Variants in SLC25A28 observed in about 807,000 individuals in gnomAD.
SLC25A28 encodes the protein solute carrier family 25 member 28.
A neutral mutation model predicts 31.9 loss-of-function variants in SLC25A28; 10 were observed. That is an observed-to-expected ratio of 0.31 (90% confidence interval 0.19 to 0.53). The LOEUF (loss-of-function observed/expected upper bound fraction) is 0.53, where lower values mean the gene tolerates loss of function less well. SLC25A28 is among the 20% of genes least tolerant of loss of function. SLC25A28 has a pLI of 0.95. For missense variants in SLC25A28, 256 were observed against 490.3 expected (o/e 0.52, Z 4.51); for synonymous variants, 208 against 203.6 (o/e 1.02, Z -0.19).
chr10:99,633,588 T>C, the SLC25A28 span, among the ~76,000 whole-genome samples: 1 of 151,354 alleles, frequency 6.6e-6, no homozygotes, highest in Non-Finnish European at 1.5e-5. Flanking sequence ...TCACAGCTAC[T>C]TGGGAAGCTG....
chr10:99,658,700 G>A, the SLC25A28 span, among the ~76,000 whole-genome samples: 3 of 152,166 alleles, frequency 2.0e-5, no homozygotes, highest in Non-Finnish European at 2.9e-5. Flanking sequence ...TAGCGGCAGA[G>A]GACGGCGGTA....
Position 99,613,326 on chromosome 10 carries a change from C to T in SLC25A28, c.520+370G>A. 1 of 1,082,216 alleles carries T rather than the reference C, an allele frequency of 9.2e-7. No homozygotes were observed. 67.0% of individuals were successfully genotyped at this position (1,082,216 alleles called of 1,614,324 possible). A position where few individuals can be genotyped will look rare whatever the true frequency, so the allele number is the denominator to read the frequency against. ...ATTAGTATCTTCCTTGGGTGGCTGG[C>T]TGGGTCGCCTCCAATCCTGCCCTAA... On this transcript the variant is annotated intron_variant, in intron 2 of 3. Transcript: ENST00000370495. This position sits in a 1 kb window ranked among gnomAD's most constrained non-coding sequence, Gnocchi z 4.9.
At chr10:99,643,894 C>A in the SLC25A28 span, among the ~76,000 whole-genome samples, 35 of 152,282 alleles carry the variant, frequency 2.3e-4, no homozygotes, top group African/African-American at 8.2e-4. Flanking sequence ...GTTTCTAAAT[C>A]CTGAGTTCTA....
chr10:99,646,275 C>G, the SLC25A28 span, among the ~76,000 whole-genome samples: 1 of 152,252 alleles, frequency 6.6e-6, no homozygotes, highest in Admixed American at 6.5e-5. Context: ...GCCCCTCCCC[C>G]AGCCTCACTG....
chr10:99,638,931 T>C, the SLC25A28 span, among the ~76,000 whole-genome samples: 1 of 152,160 alleles, frequency 6.6e-6, no homozygotes, highest in Non-Finnish European at 1.5e-5. Flanking sequence ...GCAATCCCAC[T>C]ATTGGGTATC....
At chr10:99,614,325 T>C (rs1424346032) in intron 1 of SLC25A28, among the ~76,000 whole-genome samples, 1 of 152,238 alleles carries the variant, frequency 6.6e-6, no homozygotes, top group Non-Finnish European at 1.5e-5. Context: ...TACTTTATGC[T>C]GTATACCTAA....
the SLC25A28 span, among the ~76,000 whole-genome samples, chr10:99,645,854 C>A: frequency 1.3e-5 from 2 of 152,320 alleles, no homozygotes; most frequent in East Asian, 3.9e-4. Flanking sequence ...CTGGGTATCA[C>A]CAGCAGAGGC....
the SLC25A28 span, among the ~76,000 whole-genome samples, chr10:99,650,953 T>G: frequency 6.6e-5 from 10 of 152,314 alleles, no homozygotes; most frequent in East Asian, 1.9e-3. Flanking sequence ...GAGCAATATA[T>G]CTGTGCAATT....
the SLC25A28 span, among the ~76,000 whole-genome samples, chr10:99,657,219 G>T: frequency 2.6e-5 from 4 of 152,102 alleles, no homozygotes; most frequent in Non-Finnish European, 4.4e-5. Flanking sequence ...CACCTATTTT[G>T]TGGAACACTA....
the SLC25A28 span, among the ~76,000 whole-genome samples, chr10:99,650,859 G>A: frequency 2.0e-5 from 3 of 152,170 alleles, no homozygotes; most frequent in African/African-American, 4.8e-5. Flanking sequence ...GTAGATCCCC[G>A]GTATCTAGAC....
chr10:99,615,967 T>G (rs2034643481), intron 1 of SLC25A28: 1 of 985,436 alleles, frequency 1.0e-6, no homozygotes, highest in Non-Finnish European at 1.2e-6. Flanking sequence ...GAACATTCTA[T>G]ATACACATCT....
chr10:99,651,594 C>CTTTTTTTTTTTTTTTTTTT, the SLC25A28 span, among the ~76,000 whole-genome samples: 5 of 110,170 alleles, frequency 4.5e-5, no homozygotes, highest in African/African-American at 6.8e-5. Context: ...TTTTTCTTTT[C>CTTTTTTTTTTTTTTTTTTT]TTTTTTTTTT....
Position 99,613,947 on chromosome 10 carries a change from C to T in SLC25A28, c.292-23G>A, listed in dbSNP as rs770467215. On this transcript the variant is annotated intron_variant, in intron 1 of 3. Coordinates refer to ENST00000370495, the MANE Select transcript of SLC25A28 (RefSeq NM_031212.4). The surrounding 1 kb of genome is among the most constrained non-coding windows in gnomAD (Gnocchi z 4.9). ...GGTCTGAAATTACAGCAAGGAGAAG[C>T]GCAATGTCAGCAATGCCAACTTCTC... The T allele has an allele frequency of 1.1e-5, 17 of 1,570,752 alleles. No homozygotes were observed. In the East Asian group the frequency reaches 1.8e-4, roughly 17 times the overall value.
At chr10:99,632,086 C>G in the SLC25A28 span, among the ~76,000 whole-genome samples, 16 of 150,226 alleles carry the variant, frequency 1.1e-4, no homozygotes, top group Admixed American at 3.3e-4. Flanking sequence ...TTAGTAGAGA[C>G]GGGGTTTCAC....
At chr10:99,622,337 T>A (rs956519818), upstream of SLC25A28, among the ~76,000 whole-genome samples, 42 of 151,954 alleles carry the variant, frequency 2.8e-4, no homozygotes, top group Non-Finnish European at 2.8e-4. Flanking sequence ...CTCAAAAAAA[T>A]TTTTTTAAAA....
chr10:99,617,177 G>C, intron 1 of SLC25A28: 1 of 985,384 alleles, frequency 1.0e-6, no homozygotes, highest in Non-Finnish European at 1.2e-6. Flanking sequence ...GACTGTTTTG[G>C]GTTGCAGAAT....
chr10:99,631,877 T>TG, the SLC25A28 span, among the ~76,000 whole-genome samples: 1 of 98,314 alleles, frequency 1.0e-5, no homozygotes, highest in Non-Finnish European at 2.1e-5. Flanking sequence ...CTCAGTATGT[T>TG]ATTTTTTTTT....
chr10:99,623,698 G>A (rs1015875602), upstream of SLC25A28, among the ~76,000 whole-genome samples: 1 of 152,166 alleles, frequency 6.6e-6, no homozygotes, highest in Non-Finnish European at 1.5e-5. Context: ...GCTTTGGCCA[G>A]TGAAATACGA....
chr10:99,616,517 T>G (rs2034659336), intron 1 of SLC25A28: 4 of 985,144 alleles, frequency 4.1e-6, no homozygotes, highest in Non-Finnish European at 4.8e-6. Context: ...GTATAAGTCA[T>G]TTCACAAATA....
Sources: allele counts gnomAD v4.1 joint callset (sites outside exome capture counted in the v4.1 genomes callset), GRCh38; gene constraint gnomAD v4.1.1; non-coding constraint Gnocchi (gnomAD v3.1); transcripts MANE v1.5; gene names NCBI Gene and HGNC (gene_info 2026-07-23, HGNC 2026-07-21).